Variants in PTPRT observed in about 807,000 individuals in gnomAD.
PTPRT encodes protein tyrosine phosphatase receptor type T.
Under a neutral mutation model 176.8 loss-of-function variants are expected in PTPRT, and 56 were observed. The ratio of observed to expected loss-of-function variants is 0.32; its 90% CI spans 0.26 to 0.40. The LOEUF is 0.40. Ranked by LOEUF, PTPRT falls within the 10% of genes least tolerant of loss-of-function variation. The pLI is 1.00. For missense variants in PTPRT, 1,540 were observed against 1,908.2 expected, an observed-to-expected ratio of 0.81 and a Z score of 3.60; for synonymous variants, 783 against 739.0, an observed-to-expected ratio of 1.06 and a Z score of -0.96.
intron 9 of PTPRT, among the ~76,000 whole-genome samples, chr20:42,413,787 C>G (rs2059038615): frequency 6.6e-6 from 1 of 152,184 alleles, no homozygotes; most frequent in South Asian, 2.1e-4. Flanking sequence ...AACTAGCCTT[C>G]TTGAACTATC....
intron 1 of PTPRT, among the ~76,000 whole-genome samples, chr20:42,980,698 T>C (rs1983225344): frequency 6.6e-6 from 1 of 152,170 alleles, no homozygotes; most frequent in South Asian, 2.1e-4. Context: ...AGCCTTGACA[T>C]TCCTTCCCCT....
intron 9 of PTPRT, among the ~76,000 whole-genome samples, chr20:42,431,504 A>C (rs1312254379): frequency 6.6e-6 from 1 of 152,258 alleles, no homozygotes; most frequent in Non-Finnish European, 1.5e-5. Context: ...GAAAAATTAC[A>C]ATAGCAAATT....
intron 19 of PTPRT, among the ~76,000 whole-genome samples, chr20:42,125,844 T>C (rs1035291737): frequency 6.6e-6 from 1 of 152,112 alleles, no homozygotes; most frequent in Non-Finnish European, 1.5e-5. Flanking sequence ...TCTAGTCAAA[T>C]GATGAATGCC....
intron 1 of PTPRT, among the ~76,000 whole-genome samples, chr20:43,079,316 C>T (rs1033746572): frequency 4.6e-5 from 7 of 151,970 alleles, no homozygotes; most frequent in Admixed American, 3.9e-4. Flanking sequence ...GCTACACCCA[C>T]GTTGCAGGCT....
intron 9 of PTPRT, among the ~76,000 whole-genome samples, chr20:42,374,040 T>C (rs553400699): frequency 1.3e-5 from 2 of 152,268 alleles, no homozygotes; most frequent in African/African-American, 2.4e-5. Context: ...AGTGACAGTC[T>C]AGGAGGCAGA....
At chr20:42,446,621 T>TGAGAGA (rs369315599) in intron 9 of PTPRT, among the ~76,000 whole-genome samples, 98 of 130,156 alleles carry the variant, frequency 7.5e-4, no homozygotes, top group African/African-American at 1.9e-3. Flanking sequence ...TGTGTGTGTG[T>TGAGAGA]GAGAGAGAGA....
chr20:42,630,987 T>C (rs2074392706), intron 7 of PTPRT, among the ~76,000 whole-genome samples: 1 of 152,024 alleles, frequency 6.6e-6, no homozygotes, highest in African/African-American at 2.4e-5. Flanking sequence ...TTACTTATGA[T>C]GAAGTGATGA....
At position 42,401,728 on chromosome 20, in the gene PTPRT, C is replaced by CT. The variant is rs574228677; in HGVS notation, c.1560+46491_1560+46492insA. ...CATGTTGCAATGGATGTGCCCAGTA[C>CT]AGGCTTAACCAAAGGATGTTAAATC... On this transcript the variant is annotated intron_variant, in intron 9 of 30. Coordinates refer to ENST00000373187, the MANE Select transcript of PTPRT (RefSeq NM_007050.6). Among the ~76,000 whole-genome samples, 620 of 152,274 alleles carry CT rather than the reference C, an allele frequency of 4.1e-3. 4 individuals carry two copies. The highest frequency in any genetic ancestry group is 0.014 in the African/African-American group (597 of 41,572).
intron 11 of PTPRT, among the ~76,000 whole-genome samples, chr20:42,329,262 T>A (rs2057929811): frequency 6.6e-6 from 1 of 152,144 alleles, no homozygotes; most frequent in Non-Finnish European, 1.5e-5. Flanking sequence ...ACCAATTCCA[T>A]TGGGGATTGT....
Position 42,110,566 on chromosome 20 carries a change from CT to C in PTPRT, c.3100-80del. 3 of 1,462,006 alleles carry C rather than the reference CT, an allele frequency of 2.1e-6. No homozygotes were observed. The South Asian group carries it at 4.5e-5, about 22-fold the overall frequency. The allele number at this position is 1,462,006 out of a possible 1,614,324, so 90.6% of individuals were successfully genotyped here. The stretch of plus-strand genomic sequence containing the variant: ...CCAGCAACACGTGGAGCCATAGCTG[CT>C]GCACTGAGGAACCTCCCGCAGGGAC... On this transcript the variant is annotated intron_variant, in intron 22 of 30. Coordinates refer to ENST00000373187, the MANE Select transcript of PTPRT (RefSeq NM_007050.6).
intron 13 of PTPRT, among the ~76,000 whole-genome samples, chr20:42,278,777 A>C (rs2057090777): frequency 6.6e-6 from 1 of 152,086 alleles, no homozygotes; most frequent in Non-Finnish European, 1.5e-5. Context: ...AGATGGGATA[A>C]TGTACCTCTC....
At chr20:43,130,836 AGTAT>A in intron 1 of PTPRT, among the ~76,000 whole-genome samples, 1 of 152,102 alleles carries the variant, frequency 6.6e-6, no homozygotes, top group East Asian at 1.9e-4. Context: ...AAAAGGAAAA[AGTAT>A]GTATGGTACT....
chr20:42,720,939 C>A (rs2076293397), intron 6 of PTPRT, among the ~76,000 whole-genome samples: 1 of 152,190 alleles, frequency 6.6e-6, no homozygotes, highest in African/African-American at 2.4e-5. Flanking sequence ...CCCTGTCTGC[C>A]TGCACACTGT....
intron 7 of PTPRT, among the ~76,000 whole-genome samples, chr20:42,484,557 T>C (rs1280662894): frequency 1.3e-5 from 2 of 152,188 alleles, no homozygotes; most frequent in African/African-American, 4.8e-5. Context: ...AGAAGGAATG[T>C]AGCCCAATCT....
At chr20:42,497,216 C>T (rs970444782) in intron 7 of PTPRT, among the ~76,000 whole-genome samples, 3 of 152,298 alleles carry the variant, frequency 2.0e-5, no homozygotes, top group East Asian at 1.9e-4. Flanking sequence ...TGCATTTGCA[C>T]AGAATCATAG....
chr20:42,105,023 C>G (rs1986300158), intron 24 of PTPRT, among the ~76,000 whole-genome samples: 1 of 152,180 alleles, frequency 6.6e-6, no homozygotes, highest in South Asian at 2.1e-4. Context: ...CAGCTTTCAC[C>G]TTTACCTGAG....
At chr20:42,188,382 G>C (rs957554360) in intron 16 of PTPRT, among the ~76,000 whole-genome samples, 1 of 152,022 alleles carries the variant, frequency 6.6e-6, no homozygotes, top group Non-Finnish European at 1.5e-5. Flanking sequence ...CTGCGTGATA[G>C]GTCCATCATG....
chr20:42,904,098 G>A (rs1379468182), intron 1 of PTPRT, among the ~76,000 whole-genome samples: 1 of 152,148 alleles, frequency 6.6e-6, no homozygotes, highest in Non-Finnish European at 1.5e-5. Flanking sequence ...CTACCTCTCT[G>A]ATGCCCGGGA....
chr20:43,165,844 T>C (rs2014844249), intron 1 of PTPRT, among the ~76,000 whole-genome samples: 1 of 152,184 alleles, frequency 6.6e-6, no homozygotes, highest in South Asian at 2.1e-4. Context: ...CAACAGGGAA[T>C]GGAACACTAT....
Sources: allele counts gnomAD v4.1 joint callset (sites outside exome capture counted in the v4.1 genomes callset), GRCh38; gene constraint gnomAD v4.1.1; transcripts MANE v1.5; gene names NCBI Gene and HGNC (gene_info 2026-07-23, HGNC 2026-07-21).